The following ZBTB7C variants were observed in gnomAD, a reference collection of about 807,000 sequenced individuals.
ZBTB7C encodes zinc finger and BTB domain-containing protein 7C.
In ZBTB7C, 8 loss-of-function variants were observed where a neutral mutation model predicts 25.7. The observed-to-expected ratio is 0.31, with a 90% CI of 0.18 to 0.56. The LOEUF is 0.56. Among genes scored for constraint, ZBTB7C ranks in the 20% least tolerant of loss-of-function variants. ZBTB7C has a pLI of 0.91. For missense variants in ZBTB7C, 824 were observed against 855.2 expected (o/e 0.96, Z 0.46); for synonymous variants, 394 against 369.0 (o/e 1.07, Z -0.78).
At chr18:48,250,693 T>A (rs1369328240) in intron 2 of ZBTB7C, among the ~76,000 whole-genome samples, 1 of 152,150 alleles carries the variant, frequency 6.6e-6, no homozygotes, top group East Asian at 1.9e-4. Context: ...TGACAAACTT[T>A]AATGAGATTA....
intron 1 of ZBTB7C, among the ~76,000 whole-genome samples, chr18:48,357,658 GCCCCACCCAA>G: frequency 6.6e-6 from 1 of 152,220 alleles, no homozygotes; most frequent in South Asian, 2.1e-4. Context: ...TTTGAACTTT[GCCCCACCCAA>G]CCCTGACCAG....
chr18:48,233,014 G>A lies in ZBTB7C; in HGVS notation c.-78-47019C>T, dbSNP rs577921441. ...AAGAGTACAGGTTTTGAGGTGGCAG[G>A]GAGTAAGGATGTTGAATGGGAGAGG... is the stretch of plus-strand genomic sequence containing the variant. On this transcript the variant is annotated intron_variant, in intron 2 of 4. Transcript: ENST00000590800. 2.0e-4 allele frequency among the ~76,000 whole-genome samples: 30 copies of A among 152,270 alleles called. 1 individual carries two copies. In the South Asian group the frequency reaches 6.2e-3, roughly 32 times the overall value.
chr18:48,210,313 C>T (rs2042673505), intron 2 of ZBTB7C, among the ~76,000 whole-genome samples: 1 of 152,110 alleles, frequency 6.6e-6, no homozygotes, highest in Admixed American at 6.5e-5. Context: ...AATTTCACTC[C>T]TAAATATATA....
chr18:48,042,313 A>C (rs1340542184), intron 3 of ZBTB7C, among the ~76,000 whole-genome samples: 2 of 152,184 alleles, frequency 1.3e-5, no homozygotes, highest in Admixed American at 1.3e-4. Flanking sequence ...ACAACAATAA[A>C]ATAAGGTGGG....
In ZBTB7C at chr18:48,409,218, C is replaced by A. The variant is rs1055276015; in HGVS notation, c.-304+8G>T. On this transcript the variant is annotated splice_region_variant and intron_variant, in intron 1 of 4. Coordinates refer to ENST00000590800, the MANE Select transcript of ZBTB7C (RefSeq NM_001318841.2). ...CGGCGCCCGAGCCCGGCGCGCGAAGCCGCTCACCTCCGCGCGCCGCCGGCC... is the reference window on the plus strand; with the variant it reads ...CGGCGCCCGAGCCCGGCGCGCGAAGACGCTCACCTCCGCGCGCCGCCGGCC... The A allele has an allele frequency of 1.3e-5, 2 of 149,628 alleles. No homozygotes were observed. The highest frequency in any genetic ancestry group is 4.9e-5 in the African/African-American group (2 of 40,892). 9.3% of individuals were successfully genotyped at this position (149,628 alleles called of 1,614,324 possible).
chr18:48,115,206 T>C (rs1277759487), intron 3 of ZBTB7C, among the ~76,000 whole-genome samples: 1 of 152,192 alleles, frequency 6.6e-6, no homozygotes, highest in Non-Finnish European at 1.5e-5. Flanking sequence ...TTTCACTTAG[T>C]ACAGGGTTTT....
At chr18:48,396,814 A>G (rs2048038007) in intron 1 of ZBTB7C, among the ~76,000 whole-genome samples, 1 of 152,220 alleles carries the variant, frequency 6.6e-6, no homozygotes, top group South Asian at 2.1e-4. Flanking sequence ...CTGAACCACG[A>G]GCCACAATGG....
intron 2 of ZBTB7C, among the ~76,000 whole-genome samples, chr18:48,243,752 T>C (rs2043597688): frequency 6.6e-6 from 1 of 152,166 alleles, no homozygotes; most frequent in African/African-American, 2.4e-5. Flanking sequence ...TCTGGAGGCA[T>C]CACATTACCC....
At chr18:48,372,049 G>A (rs555111294) in intron 1 of ZBTB7C, among the ~76,000 whole-genome samples, 2 of 152,254 alleles carry the variant, frequency 1.3e-5, no homozygotes, top group East Asian at 1.9e-4. Flanking sequence ...TGTCTGACAC[G>A]TCAACAGGCC....
At chr18:48,278,499 G>C (rs530470816) in intron 2 of ZBTB7C, among the ~76,000 whole-genome samples, 1 of 151,446 alleles carries the variant, frequency 6.6e-6, no homozygotes, top group African/African-American at 2.4e-5. Context: ...GCAATGGTGC[G>C]ATCTTGGCTC....
intron 2 of ZBTB7C, among the ~76,000 whole-genome samples, chr18:48,207,412 T>C (rs146407112): frequency 1.9e-3 from 290 of 152,280 alleles, no homozygotes; most frequent in African/African-American, 6.2e-3. Context: ...ATAATCAAAA[T>C]ATCCATCAAC....
chr18:48,372,567 A>C (rs1181651430), intron 1 of ZBTB7C, among the ~76,000 whole-genome samples: 1 of 152,146 alleles, frequency 6.6e-6, no homozygotes, highest in Non-Finnish European at 1.5e-5. Context: ...AAGCTATTAA[A>C]ACATTAGGAG....
Position 48,040,852 on chromosome 18 carries a change from C to T in ZBTB7C, c.256G>A (p.Ala86Thr), listed in dbSNP as rs376180489. 6 of 1,613,842 alleles carry T rather than the reference C, an allele frequency of 3.7e-6. No homozygotes were observed. Among genetic ancestry groups the T allele is most frequent in the Non-Finnish European group, 5.1e-6 (6 of 1,179,964 alleles). The stretch of plus-strand genomic sequence containing the variant: ...GTGTAGGCGAACTCCAGGATAGCAG[C>T]CAGAGCCTCAGGCTGGACAAAGTCG... Reference protein sequence around the residue: ...EIDFVQPEALAAILEFAYTST... With the variant: ...EIDFVQPEALTAILEFAYTST... The change falls in exon 4 of 5, where the codon GCT (alanine) becomes ACT (threonine). Residue 86 changes from alanine to threonine, a missense_variant. Ala to Thr is a moderately conservative substitution (Grantham distance 58). Around this residue, in one of 4 missense-constraint regions of ZBTB7C, gnomAD observed 117 missense variants for 167.7 expected, o/e 0.70. Transcript: ENST00000590800.
intron 4 of ZBTB7C, among the ~76,000 whole-genome samples, chr18:48,034,274 C>A (rs553826395): frequency 6.6e-6 from 1 of 152,248 alleles, no homozygotes; most frequent in South Asian, 2.1e-4. Flanking sequence ...CTGCCTGCCC[C>A]CCATGGTACG....
intron 3 of ZBTB7C, among the ~76,000 whole-genome samples, chr18:48,082,203 C>G (rs570500834): frequency 6.6e-6 from 1 of 152,314 alleles, no homozygotes; most frequent in South Asian, 2.1e-4. Flanking sequence ...TCCCCTTGCA[C>G]AGCCTATTTG....
chr18:48,285,807 AT>A (rs369564296), intron 2 of ZBTB7C, among the ~76,000 whole-genome samples: 9 of 151,896 alleles, frequency 5.9e-5, no homozygotes, highest in African/African-American at 2.2e-4. Flanking sequence ...TTGGGGTTCC[AT>A]TTTTTCAAGG....
intron 2 of ZBTB7C, among the ~76,000 whole-genome samples, chr18:48,202,340 C>A (rs559066802): frequency 6.6e-6 from 1 of 151,868 alleles, no homozygotes; most frequent in African/African-American, 2.4e-5. Context: ...TCCAAGAGGT[C>A]GCGAGGGATT....
At chr18:48,185,702 C>T (rs1368942263) in intron 3 of ZBTB7C, among the ~76,000 whole-genome samples, 3 of 152,146 alleles carry the variant, frequency 2.0e-5, no homozygotes, top group Admixed American at 1.3e-4. Context: ...CTTTCATGAG[C>T]CAGTGGGAAC....
chr18:48,205,429 G>T (rs531834867), intron 2 of ZBTB7C, among the ~76,000 whole-genome samples: 2 of 151,946 alleles, frequency 1.3e-5, no homozygotes, highest in African/African-American at 4.8e-5. Flanking sequence ...AAGACTTAAA[G>T]AAATGGAGGT....
Sources: allele counts gnomAD v4.1 joint callset (sites outside exome capture counted in the v4.1 genomes callset), GRCh38; gene constraint gnomAD v4.1.1; regional missense constraint gnomAD v4.1.1; transcripts MANE v1.5; gene names NCBI Gene and HGNC (gene_info 2026-07-23, HGNC 2026-07-21).